Variants in SEPTIN11 observed in about 807,000 individuals in gnomAD.
The protein encoded by SEPTIN11 is septin 11.
A neutral mutation model predicts 51.4 loss-of-function variants in SEPTIN11; 25 were observed. The ratio of observed to expected loss-of-function variants is 0.49; its 90% CI spans 0.35 to 0.68. The LOEUF (loss-of-function observed/expected upper bound fraction) is 0.68, where lower values mean the gene tolerates loss of function less well. Among genes scored for constraint, SEPTIN11 ranks in the 30% least tolerant of loss-of-function variants. The pLI is 0.00. For missense variants in SEPTIN11, 381 were observed against 520.8 expected, an observed-to-expected ratio of 0.73 and a Z score of 2.61; for synonymous variants, 174 against 184.1, an observed-to-expected ratio of 0.95 and a Z score of 0.44.
At chr4:76,982,756 A>G (rs144468986) in intron 1 of SEPTIN11, among the ~76,000 whole-genome samples, 1 of 152,110 alleles carries the variant, frequency 6.6e-6, no homozygotes, top group Admixed American at 6.5e-5. Context: ...CAACACCTAA[A>G]CATTTGCAGT....
At chr4:76,963,035 A>G (rs1163372201) in intron 1 of SEPTIN11, among the ~76,000 whole-genome samples, 9 of 152,242 alleles carry the variant, frequency 5.9e-5, no homozygotes, top group Non-Finnish European at 7.3e-5. Flanking sequence ...TACATTAGCA[A>G]TTCGATTTAA....
intron 1 of SEPTIN11, among the ~76,000 whole-genome samples, chr4:76,982,267 G>A (rs1722809863): frequency 1.3e-5 from 2 of 151,378 alleles, no homozygotes; most frequent in Admixed American, 1.3e-4. Context: ...CTGGAGTGCA[G>A]TGGTGTGATC....
intron 1 of SEPTIN11, chr4:76,959,316 G>A (rs1721717973): frequency 6.8e-6 from 1 of 147,844 alleles, no homozygotes; most frequent in Non-Finnish European, 1.4e-5. Context: ...GTCTTGCTAT[G>A]TTGCTCAGGT....
At chr4:77,006,192 G>A (rs2645664) in intron 3 of SEPTIN11, among the ~76,000 whole-genome samples, 82,437 of 151,794 alleles carry the variant, frequency 0.54, 23,114 homozygotes, top group Non-Finnish European at 0.61. Context: ...TGCTTGGGAA[G>A]CCAGGACACT....
intron 1 of SEPTIN11, among the ~76,000 whole-genome samples, chr4:76,989,406 A>T (rs1167733591): frequency 3.3e-5 from 5 of 152,254 alleles, no homozygotes; most frequent in African/African-American, 9.6e-5. Flanking sequence ...ATTTGTTTGG[A>T]TTAAACAATT....
At chr4:77,030,419 T>C (rs530101307) in intron 8 of SEPTIN11, among the ~76,000 whole-genome samples, 4 of 152,232 alleles carry the variant, frequency 2.6e-5, no homozygotes, top group African/African-American at 7.2e-5. Flanking sequence ...TATTTTCTTT[T>C]GAGACGGAGT....
chr4:77,029,753 CAT>C (rs141639335), intron 8 of SEPTIN11, among the ~76,000 whole-genome samples: 80 of 149,278 alleles, frequency 5.4e-4, no homozygotes, highest in Middle Eastern at 3.4e-3. Context: ...ATACATAATG[CAT>C]ATATATATAT....
At chr4:76,995,712 G>A (rs6532758) in intron 1 of SEPTIN11, 760,438 of 1,336,418 alleles carry the variant, frequency 0.57, 219,391 homozygotes, top group Middle Eastern at 0.65. Context: ...AAATCACCCA[G>A]TGATTTTACT....
Position 77,038,159 on chromosome 4 carries a change from C to G in SEPTIN11, c.*3647C>G. 1.0e-6 allele frequency: 1 copy of G among 985,838 alleles called. No individual in the cohort carries two copies. The highest frequency in any genetic ancestry group is 1.2e-6 in the Non-Finnish European group (1 of 829,914). The allele number at this position is 985,838 out of a possible 1,614,324, so 61.1% of individuals were successfully genotyped here. On this transcript the variant is annotated 3_prime_UTR_variant, in exon 10 of 10. Coordinates refer to ENST00000264893, the MANE Select transcript of SEPTIN11 (RefSeq NM_018243.4). Reference sequence around the variant, plus strand: ...CCTGGTTCCACTGACAGGACACATTCTTTAGTGGGAATTAAGACCTACAAA... The same window carrying G: ...CCTGGTTCCACTGACAGGACACATTGTTTAGTGGGAATTAAGACCTACAAA...
At chr4:77,039,587 T>C, downstream of SEPTIN11, 2 of 985,262 alleles carry the variant, frequency 2.0e-6, no homozygotes, top group Non-Finnish European at 2.4e-6. Flanking sequence ...GGTCATAAGA[T>C]CCGAGCAACA....
At chr4:76,998,218 A>G (rs930824508) in intron 2 of SEPTIN11, among the ~76,000 whole-genome samples, 3 of 152,174 alleles carry the variant, frequency 2.0e-5, no homozygotes, top group Non-Finnish European at 4.4e-5. Context: ...TAGTTTTTCA[A>G]ACTAATGAAC....
chr4:76,986,966 A>C (rs970634268), intron 1 of SEPTIN11, among the ~76,000 whole-genome samples: 2 of 152,214 alleles, frequency 1.3e-5, no homozygotes, highest in African/African-American at 4.8e-5. Context: ...CACGGCATTA[A>C]TTTTGTAAGG....
At chr4:77,040,098 G>A (rs1727275523), downstream of SEPTIN11, 2 of 152,274 alleles carry the variant, frequency 1.3e-5, no homozygotes, top group East Asian at 3.9e-4. Context: ...CCGGTGTTGG[G>A]TAGATGACTT....
rs140094622 is a variant in SEPTIN11, at chr4:77,005,269, A to T, written c.143-332A>T. Among the ~76,000 whole-genome samples the T allele has an allele frequency of 5.7e-3, 874 of 152,354 alleles. 5 individuals are homozygous for T. Among genetic ancestry groups the T allele is most frequent in the Admixed American group, 9.9e-3 (152 of 15,306 alleles). On this transcript the variant is annotated intron_variant, in intron 2 of 9. Transcript: ENST00000264893. The stretch of plus-strand genomic sequence containing the variant: ...ATACTCTAACATTTAGGAGAGAAAG[A>T]GACAAAGTTCATGTTCTTGTTCTTG...
chr4:76,949,811 G>A lies in SEPTIN11; in HGVS notation c.-93G>A. On this transcript the variant is annotated 5_prime_UTR_variant, in exon 1 of 10. Coordinates refer to ENST00000264893, the MANE Select transcript of SEPTIN11 (RefSeq NM_018243.4). ...CGAGCAGAGCGCAGCCGCGAGGGAGGCGCGAGGGAGGCGAGCCGGAGCCCG... is the reference window on the plus strand; with the variant it reads ...CGAGCAGAGCGCAGCCGCGAGGGAGACGCGAGGGAGGCGAGCCGGAGCCCG... 1 of 1,376,494 alleles carries A rather than the reference G, an allele frequency of 7.3e-7. No homozygotes were observed. The highest frequency in any genetic ancestry group is 9.8e-7 in the Non-Finnish European group (1 of 1,019,854). The allele number at this position is 1,376,494 out of a possible 1,614,324, so 85.3% of individuals were successfully genotyped here.
chr4:77,019,883 C>G (rs1725575909), intron 6 of SEPTIN11, among the ~76,000 whole-genome samples: 1 of 152,220 alleles, frequency 6.6e-6, no homozygotes, highest in African/African-American at 2.4e-5. Context: ...ATCAGACCTC[C>G]TTTTCCTCTG....
At position 77,030,950 on chromosome 4, in the gene SEPTIN11, G is replaced by A. The variant is rs757359563; in HGVS notation, c.1254G>A (p.Lys418=). 28 of 1,603,366 alleles carry A rather than the reference G, an allele frequency of 1.7e-5. 2 individuals are homozygous for A. In the Admixed American group the frequency reaches 4.8e-4, roughly 27 times the overall value. ...QAQQSGAQQT[K]KDKDKKNASF... is the part of the protein sequence containing the mutation. ...AGCAATCTGGGGCCCAGCAAACCAA[G>A]AAAGACAAGGATAAGAAAAAGTAAG... The change falls in exon 9 of 10, where the codon AAG becomes AAA. Residue 418 remains lysine, a synonymous_variant. Coordinates refer to ENST00000264893, the MANE Select transcript of SEPTIN11 (RefSeq NM_018243.4).
intron 1 of SEPTIN11, among the ~76,000 whole-genome samples, chr4:76,951,800 G>A (rs980256525): frequency 6.6e-6 from 1 of 152,168 alleles, no homozygotes; most frequent in African/African-American, 2.4e-5. Flanking sequence ...GTTTAGTTGT[G>A]TGGCCGTAAT....
chr4:77,002,796 G>C (rs190794734), intron 2 of SEPTIN11, among the ~76,000 whole-genome samples: 151 of 151,824 alleles, frequency 9.9e-4, no homozygotes, highest in Middle Eastern at 3.4e-3. Context: ...ATTCAGGAAA[G>C]TAAGGAAGAC....
Sources: gnomAD v4.1 joint callset for allele counts (sites outside exome capture counted in the v4.1 genomes callset) on GRCh38, gnomAD v4.1.1 for gene constraint, MANE v1.5 for transcripts, NCBI Gene and HGNC (gene_info 2026-07-23, HGNC 2026-07-21) for gene names.